The following STK3 variants were observed in gnomAD, a reference collection of about 807,000 sequenced individuals.
STK3 encodes the protein serine/threonine-protein kinase 3.
Under a neutral mutation model 58.0 loss-of-function variants are expected in STK3, and 41 were observed. That is an observed-to-expected ratio of 0.71 (90% CI 0.55 to 0.92). STK3 has a LOEUF of 0.92. STK3 is among the 40% of genes least tolerant of loss of function. STK3 has a pLI of 0.00. For synonymous variants in STK3, 170 were observed against 191.0 expected (o/e 0.89, Z 0.91); for missense variants, 479 against 602.7 (o/e 0.79, Z 2.15).
intron 8 of STK3, among the ~76,000 whole-genome samples, chr8:98,563,062 C>G (rs1337716226): frequency 6.7e-6 from 1 of 149,628 alleles, no homozygotes; most frequent in Non-Finnish European, 1.5e-5. Context: ...GAAACAAATT[C>G]ACTGAAGGAG....
At chr8:98,913,292 A>C (rs1839222739) in intron 1 of STK3, among the ~76,000 whole-genome samples, 1 of 152,252 alleles carries the variant, frequency 6.6e-6, no homozygotes, top group Admixed American at 6.5e-5. Context: ...AATTAGAAAA[A>C]CATTGTCATG....
intron 1 of STK3, among the ~76,000 whole-genome samples, chr8:98,446,068 C>G (rs1818934902): frequency 6.6e-6 from 1 of 152,234 alleles, no homozygotes; most frequent in African/African-American, 2.4e-5. Context: ...TGAACTTTCT[C>G]AGACACCGAA....
At chr8:98,851,548 A>C (rs1391550056) in intron 3 of STK3, among the ~76,000 whole-genome samples, 1 of 152,210 alleles carries the variant, frequency 6.6e-6, no homozygotes. Context: ...TTTTGTCAAA[A>C]ACTATCTTCC....
chr8:98,452,211 T>C (rs1411268509), downstream of STK3, among the ~76,000 whole-genome samples: 14 of 152,170 alleles, frequency 9.2e-5, no homozygotes, highest in Non-Finnish European at 1.5e-5. Flanking sequence ...CTTCAGTGAG[T>C]AGAGCATGAT....
intron 1 of STK3, among the ~76,000 whole-genome samples, chr8:98,802,541 T>C (rs957514434): frequency 9.8e-5 from 15 of 152,314 alleles, no homozygotes; most frequent in South Asian, 4.1e-4. Context: ...TAGGTTCACT[T>C]TCTCAACTTT....
At chr8:98,917,659 C>A (rs776680267) in intron 1 of STK3, among the ~76,000 whole-genome samples, 17 of 152,158 alleles carry the variant, frequency 1.1e-4, no homozygotes, top group Non-Finnish European at 1.9e-4. Flanking sequence ...ATAGCCCAGC[C>A]TCTAGAACCG....
At chr8:98,905,848 A>C (rs1035557362) in intron 1 of STK3, among the ~76,000 whole-genome samples, 3 of 152,238 alleles carry the variant, frequency 2.0e-5, no homozygotes, top group Non-Finnish European at 2.9e-5. Flanking sequence ...AATCCAGCGC[A>C]GCCACATGGT....
intron 1 of STK3, among the ~76,000 whole-genome samples, chr8:98,933,219 G>A (rs10504987): frequency 0.08 from 12,189 of 152,170 alleles, 541 homozygotes; most frequent in South Asian, 0.1. Flanking sequence ...TCCTTCCTAT[G>A]TATCAGTTGT....
At chr8:98,941,248 C>G (rs1409285670) in intron 1 of STK3, among the ~76,000 whole-genome samples, 2 of 152,266 alleles carry the variant, frequency 1.3e-5, no homozygotes, top group African/African-American at 4.8e-5. Context: ...TAGCCTTTTG[C>G]CCTTGTCTCC....
At chr8:98,931,623 G>A (rs1840007806) in intron 1 of STK3, among the ~76,000 whole-genome samples, 1 of 152,170 alleles carries the variant, frequency 6.6e-6, no homozygotes, top group Non-Finnish European at 1.5e-5. Context: ...GAGAGGCACT[G>A]GCTTTTGATA....
intron 9 of STK3, 127 bp from the exon 10 acceptor site, chr8:98,527,044 A>G (rs1409008289): frequency 3.0e-5 from 18 of 603,638 alleles, no homozygotes; most frequent in Non-Finnish European, 4.3e-5. Flanking sequence ...GGCCAACATA[A>G]TTAATTTCAT....
rs181167357 is a variant in STK3 at position 98,792,093 on chromosome 8, C to G, written c.27-17274G>C. On this transcript the variant is annotated intron_variant, in intron 1 of 10. Transcript: ENST00000419617. The stretch of plus-strand genomic sequence containing the variant: ...AAGGACTAATATCCAGAATCTAAAA[C>G]AAACACAAACAAATTAAGAAAAAAC... Among the ~76,000 whole-genome samples, 532 of 152,170 alleles carry G rather than the reference C, an allele frequency of 3.5e-3. 4 individuals are homozygous for G. Among genetic ancestry groups the G allele is most frequent in the South Asian group, 0.013 (62 of 4,820 alleles).
chr8:98,822,603 C>T (rs909196693), intron 1 of STK3, among the ~76,000 whole-genome samples: 4 of 152,138 alleles, frequency 2.6e-5, no homozygotes, highest in African/African-American at 9.7e-5. Flanking sequence ...AGAAAACATA[C>T]TTGATGAGGT....
chr8:98,734,137 A>G (rs1392767332), intron 4 of STK3, among the ~76,000 whole-genome samples: 3 of 152,086 alleles, frequency 2.0e-5, no homozygotes, highest in African/African-American at 4.8e-5. Flanking sequence ...CCATGATCCA[A>G]TCACCTCCAA....
intron 4 of STK3, among the ~76,000 whole-genome samples, chr8:98,712,712 T>A (rs2131120163): frequency 6.6e-6 from 1 of 152,148 alleles, no homozygotes; most frequent in East Asian, 1.9e-4. Context: ...ACTGTCAACA[T>A]TAGACAGATC....
chr8:98,360,645 A>G, the STK3 span, among the ~76,000 whole-genome samples: 1 of 152,174 alleles, frequency 6.6e-6, no homozygotes, highest in East Asian at 1.9e-4. Context: ...TGTACTTGCA[A>G]GGAATATTCC....
At chr8:98,774,635 T>C (rs1001926220) in intron 2 of STK3, 104 bp downstream of exon 2, 5 of 762,280 alleles carry the variant, frequency 6.6e-6, no homozygotes, top group Admixed American at 3.5e-5. Context: ...TATTAAATAC[T>C]ATTCAATTCA....
intron 7 of STK3, among the ~76,000 whole-genome samples, chr8:98,584,943 GTTGT>G (rs1814357836): frequency 6.6e-6 from 1 of 150,598 alleles, no homozygotes; most frequent in African/African-American, 2.4e-5. Context: ...TTTTGATGGG[GTTGT>G]TTTTTTCTTG....
chr8:98,714,489 C>A (rs886946910), intron 4 of STK3, among the ~76,000 whole-genome samples: 3 of 152,154 alleles, frequency 2.0e-5, no homozygotes, highest in Non-Finnish European at 2.9e-5. Flanking sequence ...ACACCAATAA[C>A]AGACAAACAG....
Sources: allele counts gnomAD v4.1 joint callset (sites outside exome capture counted in the v4.1 genomes callset), GRCh38; gene constraint gnomAD v4.1.1; transcripts MANE v1.5; gene names NCBI Gene and HGNC (gene_info 2026-07-23, HGNC 2026-07-21).